The following SOX6 variants were observed in gnomAD, a reference collection of about 807,000 sequenced individuals.
SOX6 encodes the protein transcription factor SOX-6.
Under a neutral mutation model 97.8 loss-of-function variants are expected in SOX6, and 11 were observed. The observed-to-expected ratio is 0.11, with a 90% CI of 0.07 to 0.19. The LOEUF is 0.19. Among genes scored for constraint, SOX6 ranks in the 10% least tolerant of loss-of-function variants. The pLI is 1.00. For missense variants in SOX6, 810 were observed against 1,039.5 expected, an observed-to-expected ratio of 0.78 and a Z score of 3.04; for synonymous variants, 360 against 371.4, an observed-to-expected ratio of 0.97 and a Z score of 0.35.
intron 7 of SOX6, among the ~76,000 whole-genome samples, chr11:16,098,068 G>A (rs1848846441): frequency 6.6e-6 from 1 of 151,794 alleles, no homozygotes; most frequent in South Asian, 2.1e-4. Flanking sequence ...AAAAGTTTTG[G>A]CTTTGTAGGC....
chr11:16,149,844 A>G (rs1850414097), intron 6 of SOX6, among the ~76,000 whole-genome samples: 1 of 152,228 alleles, frequency 6.6e-6, no homozygotes, highest in Non-Finnish European at 1.5e-5. Flanking sequence ...ATGACCCAGT[A>G]GCAGCCAATG....
rs141839530 is a variant in SOX6 at position 16,415,554 on chromosome 11, C to T, written c.-5+60761G>A. ...GTATTTTCAAGTAGCTAGAAGACAG[C>T]ATGATTTTGAATGTTCTCAAAACAA... On this transcript the variant is annotated intron_variant, in intron 1 of 15. Coordinates refer to the SOX6 transcript ENST00000396356. 6.4e-4 allele frequency among the ~76,000 whole-genome samples: 98 copies of T among 152,074 alleles called. 1 individual carries two copies. Among genetic ancestry groups the T allele is most frequent in the African/African-American group, 2.2e-3 (92 of 41,500 alleles).
At chr11:16,125,052 T>C (rs1849575521) in intron 6 of SOX6, among the ~76,000 whole-genome samples, 2 of 152,064 alleles carry the variant, frequency 1.3e-5, no homozygotes, top group South Asian at 4.1e-4. Context: ...CCTCCAAATA[T>C]GTCAAAGAGT....
intron 4 of SOX6, among the ~76,000 whole-genome samples, chr11:16,499,079 G>A (rs1860658489): frequency 1.3e-5 from 2 of 152,208 alleles, no homozygotes; most frequent in South Asian, 4.1e-4. Flanking sequence ...CGCAGCAAAT[G>A]TAAAAGAACA....
intron 4 of SOX6, among the ~76,000 whole-genome samples, chr11:16,502,994 C>T (rs903068517): frequency 2.6e-5 from 4 of 152,036 alleles, no homozygotes; most frequent in Admixed American, 6.6e-5. Context: ...AAAGCACCCC[C>T]GTCAAACTAA....
At chr11:16,708,115 G>A (rs1848150973) in intron 3 of SOX6, among the ~76,000 whole-genome samples, 2 of 152,224 alleles carry the variant, frequency 1.3e-5, no homozygotes, top group South Asian at 4.1e-4. Context: ...AGTTTGGAAA[G>A]GGGAAACAAG....
At chr11:16,053,946 CTA>C (rs1191552399) in intron 10 of SOX6, among the ~76,000 whole-genome samples, 1 of 151,884 alleles carries the variant, frequency 6.6e-6, no homozygotes, top group East Asian at 1.9e-4. Flanking sequence ...ATGTTTTGGT[CTA>C]TATATTTTTA....
At chr11:16,284,363 A>C (rs112673985) in intron 3 of SOX6, among the ~76,000 whole-genome samples, 275 of 152,260 alleles carry the variant, frequency 1.8e-3, no homozygotes, top group African/African-American at 6.1e-3. Context: ...GTTCTGACAG[A>C]GTACAAGTAA....
intron 15 of SOX6, among the ~76,000 whole-genome samples, chr11:15,980,717 C>T (rs1304215728): frequency 6.6e-6 from 1 of 152,014 alleles, no homozygotes; most frequent in East Asian, 1.9e-4. Flanking sequence ...ATAAGTCTGA[C>T]CTACCCAAAC....
At chr11:16,650,435 T>A (rs1847630134) in intron 3 of SOX6, among the ~76,000 whole-genome samples, 1 of 152,002 alleles carries the variant, frequency 6.6e-6, no homozygotes, top group South Asian at 2.1e-4. Flanking sequence ...TCATCTCAGA[T>A]CACAGTGGAA....
intron 4 of SOX6, among the ~76,000 whole-genome samples, chr11:16,570,236 C>A (rs551637728): frequency 6.6e-6 from 1 of 152,256 alleles, no homozygotes; most frequent in African/African-American, 2.4e-5. Context: ...CTATTAAATT[C>A]ATTGAGCTCA....
chr11:16,501,119 C>T lies in SOX6; in HGVS notation n.610-24731G>A, dbSNP rs575939475. 8.2e-3 allele frequency among the ~76,000 whole-genome samples: 1,241 copies of T among 152,204 alleles called. 13 individuals are homozygous for T. The highest frequency in any genetic ancestry group is 0.028 in the African/African-American group (1,174 of 41,524). Reference sequence around the variant, plus strand: ...ACTGGTACCAAAACAGATATATAGACCAATGGAACAGAACAGAGCTCTCAG... The same window carrying T: ...ACTGGTACCAAAACAGATATATAGATCAATGGAACAGAACAGAGCTCTCAG... On this transcript the variant is annotated intron_variant and non_coding_transcript_variant, in intron 4 of 5. Coordinates refer to the SOX6 transcript ENST00000524520.
chr11:16,548,369 C>A (rs1339424921), intron 4 of SOX6, among the ~76,000 whole-genome samples: 1 of 152,048 alleles, frequency 6.6e-6, no homozygotes, highest in East Asian at 1.9e-4. Flanking sequence ...GAAACTCTAA[C>A]AGAAAATGTT....
intron 6 of SOX6, among the ~76,000 whole-genome samples, chr11:16,144,734 A>G (rs1346346189): frequency 6.6e-6 from 1 of 152,250 alleles, no homozygotes; most frequent in African/African-American, 2.4e-5. Flanking sequence ...CTATGCAAAT[A>G]AACTAGAAAA....
chr11:16,344,712 A>T (rs1856729585), intron 1 of SOX6, among the ~76,000 whole-genome samples: 1 of 152,040 alleles, frequency 6.6e-6, no homozygotes, highest in African/African-American at 2.4e-5. Flanking sequence ...TAATAAGTAA[A>T]AGAAAATCAA....
chr11:16,179,213 T>G (rs1851282050), intron 6 of SOX6, among the ~76,000 whole-genome samples: 1 of 151,870 alleles, frequency 6.6e-6, no homozygotes, highest in Admixed American at 6.6e-5. Flanking sequence ...CATCTCAAGT[T>G]ATTATGTTTA....
intron 6 of SOX6, among the ~76,000 whole-genome samples, chr11:16,179,935 A>T (rs1027784032): frequency 5.3e-5 from 8 of 151,860 alleles, no homozygotes; most frequent in Non-Finnish European, 1.5e-5. Flanking sequence ...GAAGTTTCTC[A>T]CAGAGATATT....
intron 4 of SOX6, among the ~76,000 whole-genome samples, chr11:16,592,579 C>T (rs1329313936): frequency 6.6e-6 from 1 of 151,874 alleles, no homozygotes; most frequent in Non-Finnish European, 1.5e-5. Context: ...TAACACCTCC[C>T]TTACTAAATT....
At chr11:16,414,851 A>G (rs1294453447) in intron 1 of SOX6, among the ~76,000 whole-genome samples, 1 of 152,144 alleles carries the variant, frequency 6.6e-6, no homozygotes, top group Non-Finnish European at 1.5e-5. Flanking sequence ...CAGTTCCAAA[A>G]TATCTACAGA....
Sources: allele counts gnomAD v4.1 joint callset (sites outside exome capture counted in the v4.1 genomes callset), GRCh38; gene constraint gnomAD v4.1.1; transcripts MANE v1.5; gene names NCBI Gene and HGNC (gene_info 2026-07-23, HGNC 2026-07-21).